PIP5K1B: variants seen among roughly 807,000 people sequenced by gnomAD.
PIP5K1B encodes the protein phosphatidylinositol-4-phosphate 5-kinase type 1 beta.
Under a neutral mutation model 67.0 loss-of-function variants are expected in PIP5K1B, and 42 were observed. The observed-to-expected ratio is 0.63, with a 90% CI of 0.49 to 0.81. The LOEUF (loss-of-function observed/expected upper bound fraction) is 0.81, where lower values mean the gene tolerates loss of function less well. PIP5K1B is among the 30% of genes least tolerant of loss of function. The pLI, the probability that PIP5K1B is intolerant of heterozygous loss-of-function variation, is 0.00. For missense variants in PIP5K1B, 459 were observed against 646.3 expected (o/e 0.71, Z 3.14); for synonymous variants, 214 against 231.4 (o/e 0.92, Z 0.68).
chr9:68,931,223 C>G (rs535856226), intron 12 of PIP5K1B, among the ~76,000 whole-genome samples: 1 of 152,210 alleles, frequency 6.6e-6, no homozygotes, highest in South Asian at 2.1e-4. Flanking sequence ...ATTCTCCATA[C>G]GAATAATTTG....
chr9:68,835,283 G>A (rs137899649), intron 4 of PIP5K1B, among the ~76,000 whole-genome samples: 224 of 152,320 alleles, frequency 1.5e-3, no homozygotes, highest in African/African-American at 5.1e-3. Context: ...CAGAACATTG[G>A]ACCTTACTCT....
chr9:68,817,653 A>G (rs938347573), intron 2 of PIP5K1B, among the ~76,000 whole-genome samples: 4 of 151,970 alleles, frequency 2.6e-5, no homozygotes, highest in East Asian at 1.9e-4. Flanking sequence ...TTGAAAGGCT[A>G]TAAAACAAAC....
chr9:68,776,822 C>A (rs921484989), intron 2 of PIP5K1B, among the ~76,000 whole-genome samples: 1 of 152,154 alleles, frequency 6.6e-6, no homozygotes, highest in African/African-American at 2.4e-5. Context: ...TTCCTTGGAT[C>A]CTGCCTCTGG....
intron 3 of PIP5K1B, among the ~76,000 whole-genome samples, chr9:68,818,998 A>C (rs1183810355): frequency 6.6e-6 from 1 of 152,204 alleles, no homozygotes; most frequent in African/African-American, 2.4e-5. Context: ...CTTCAAAAAA[A>C]ATTTTTAGAG....
rs550286857 is a variant in PIP5K1B, at chr9:68,833,844, A to AG, written c.69+11167dup. 2.0e-5 allele frequency among the ~76,000 whole-genome samples: 3 copies of AG among 152,288 alleles called. No homozygotes were observed. The East Asian group carries it at 5.8e-4, about 29-fold the overall frequency. On this transcript the variant is annotated intron_variant, in intron 4 of 15. Transcript: ENST00000265382. ...ATCTGTTGAGACAGAGATGAATGGT[A>AG]GGGGGGAAACAAGTCTTCCAATTTG...
At chr9:68,782,140 G>A (rs544011021) in intron 2 of PIP5K1B, 27 of 167,006 alleles carry the variant, frequency 1.6e-4, no homozygotes, top group Non-Finnish European at 2.9e-4. Flanking sequence ...ACCAAACTAG[G>A]GCACCATTGA....
chr9:68,926,589 T>A (rs1826713754), intron 12 of PIP5K1B, among the ~76,000 whole-genome samples: 1 of 152,164 alleles, frequency 6.6e-6, no homozygotes, highest in African/African-American at 2.4e-5. Context: ...TTATTTATTT[T>A]GAGATGGTGC....
Position 68,894,514 on chromosome 9 carries a change from AAG to A in PIP5K1B, c.657_658del (p.Lys220IlefsTer6). ...ACGTATAAGCGAAGAGCATCCCGTA[AAG>A]AGAGAGAGAAATCCAACCCCACATT... On this transcript the variant is annotated frameshift_variant, in exon 8 of 16. Transcript: ENST00000265382. LOFTEE classifies it high-confidence loss of function. 4 of 1,614,148 alleles carry A rather than the reference AAG, an allele frequency of 2.5e-6. No homozygotes were observed. The highest frequency in any genetic ancestry group is 2.2e-5 in the East Asian group (1 of 44,872).
intron 14 of PIP5K1B, among the ~76,000 whole-genome samples, chr9:68,961,642 A>G (rs528716788): frequency 6.6e-5 from 10 of 152,302 alleles, no homozygotes; most frequent in East Asian, 5.8e-4. Context: ...GGCTCTACCA[A>G]TCTTTCCAGC....
intron 2 of PIP5K1B, among the ~76,000 whole-genome samples, chr9:68,808,738 G>C (rs984068071): frequency 6.6e-6 from 1 of 152,200 alleles, no homozygotes; most frequent in Non-Finnish European, 1.5e-5. Context: ...CTTTGGGAGA[G>C]CCATTCTGAG....
intron 14 of PIP5K1B, among the ~76,000 whole-genome samples, chr9:68,978,763 A>C (rs947052866): frequency 9.2e-5 from 14 of 152,320 alleles, no homozygotes; most frequent in African/African-American, 3.4e-4. Context: ...TAGTTCCATA[A>C]ATTTTGAAAA....
chr9:68,742,968 G>A (rs1250266309), intron 2 of PIP5K1B, among the ~76,000 whole-genome samples: 2 of 152,170 alleles, frequency 1.3e-5, no homozygotes, highest in African/African-American at 4.8e-5. Flanking sequence ...TTTAATTATA[G>A]TATTCACACA....
At chr9:68,853,211 C>T (rs1018541596) in intron 4 of PIP5K1B, among the ~76,000 whole-genome samples, 3 of 152,202 alleles carry the variant, frequency 2.0e-5, no homozygotes, top group Admixed American at 1.3e-4. Flanking sequence ...GTGAATCAGT[C>T]CCACACAATA....
chr9:68,953,441 A>AC (rs1483414013), intron 14 of PIP5K1B, among the ~76,000 whole-genome samples: 2 of 151,774 alleles, frequency 1.3e-5, no homozygotes, highest in African/African-American at 4.8e-5. Context: ...TGTAGTCTAC[A>AC]TGTTCTATAC....
At chr9:68,739,593 T>G (rs978591822) in intron 1 of PIP5K1B, among the ~76,000 whole-genome samples, 1 of 152,262 alleles carries the variant, frequency 6.6e-6, no homozygotes, top group African/African-American at 2.4e-5. Flanking sequence ...AAAGTAATTT[T>G]GGTTGGAGGA....
chr9:68,905,447 G>A lies in PIP5K1B; in HGVS notation c.771+10809G>A, dbSNP rs191785353. 3.8e-3 allele frequency among the ~76,000 whole-genome samples: 580 copies of A among 152,240 alleles called. 4 individuals are homozygous for A. Among genetic ancestry groups the A allele is most frequent in the African/African-American group, 0.012 (519 of 41,532 alleles). ...CAGCCAATCCAAAAGAGATGTTAGG[G>A]GCAGCAAACCCTGGTGATTTACAAA... On this transcript the variant is annotated intron_variant, in intron 8 of 15. Coordinates refer to ENST00000265382, the MANE Select transcript of PIP5K1B (RefSeq NM_003558.4).
chr9:68,759,451 G>A (rs1421072831), intron 2 of PIP5K1B, among the ~76,000 whole-genome samples: 2 of 151,990 alleles, frequency 1.3e-5, no homozygotes, highest in South Asian at 4.1e-4. Context: ...ACTAAAACAT[G>A]TCAAGAAAAC....
chr9:68,854,099 A>G (rs974580618), intron 4 of PIP5K1B, among the ~76,000 whole-genome samples: 1 of 150,352 alleles, frequency 6.7e-6, no homozygotes, highest in African/African-American at 2.4e-5. Flanking sequence ...CCATTTTTAC[A>G]GATCTATGAC....
intron 8 of PIP5K1B, among the ~76,000 whole-genome samples, chr9:68,898,573 T>C (rs1289100180): frequency 6.6e-6 from 1 of 152,182 alleles, no homozygotes; most frequent in Non-Finnish European, 1.5e-5. Flanking sequence ...GCGTGTCCTA[T>C]TTGAAAACTG....
Sources: allele counts gnomAD v4.1 joint callset (sites outside exome capture counted in the v4.1 genomes callset), GRCh38; gene constraint gnomAD v4.1.1; transcripts MANE v1.5; gene names NCBI Gene and HGNC (gene_info 2026-07-23, HGNC 2026-07-21).